Variants in UMAD1 observed in about 807,000 individuals in gnomAD.
The protein encoded by UMAD1 is UBAP1-MVB12-associated (UMA) domain containing 1, also known as UBAP1-MVB12-associated (UMA)-domain containing protein 1.
Under a neutral mutation model 6.1 loss-of-function variants are expected in UMAD1, and 8 were observed. That is an observed-to-expected ratio of 1.30 (90% CI 0.76 to 2.35). The LOEUF is 2.35. UMAD1 is among the 30% of genes most tolerant of loss of function. The probability of loss-of-function intolerance (pLI) is 0.00; values close to 1 mark genes in which losing one functional copy is unlikely to be tolerated. For synonymous variants in UMAD1, 56 were observed against 31.4 expected (o/e 1.78, Z -2.61); for missense variants, 130 against 78.4 (o/e 1.66, Z -2.49).
chr7:7,731,865 A>G (rs1170510701), intron 2 of UMAD1, among the ~76,000 whole-genome samples: 1 of 152,178 alleles, frequency 6.6e-6, no homozygotes, highest in East Asian at 1.9e-4. Context: ...CTGTGGACAC[A>G]GACTGGCTTT....
intron 2 of UMAD1, among the ~76,000 whole-genome samples, chr7:7,749,687 G>C (rs1178972972): frequency 6.6e-6 from 1 of 152,064 alleles, no homozygotes; most frequent in East Asian, 1.9e-4. Flanking sequence ...GATATTTGCT[G>C]TGATCTAATA....
chr7:7,781,558 A>G (rs1284320491), intron 2 of UMAD1, among the ~76,000 whole-genome samples: 1 of 152,056 alleles, frequency 6.6e-6, no homozygotes, highest in Non-Finnish European at 1.5e-5. Flanking sequence ...AATGCATTTC[A>G]GTAAAGTTTT....
rs115469652 is a variant in UMAD1 at position 7,853,228 on chromosome 7, A to G, written c.157-24053A>G. Among the ~76,000 whole-genome samples, 313 of 152,284 alleles carry G rather than the reference A, an allele frequency of 2.1e-3. 1 individual carries two copies. The highest frequency in any genetic ancestry group is 7.3e-3 in the African/African-American group (303 of 41,562). Reference sequence around the variant, plus strand: ...TCAATACCACAGTCTCATGACTAATATTGCCTAAAATTTTGAAATCAGAGA... The same window carrying G: ...TCAATACCACAGTCTCATGACTAATGTTGCCTAAAATTTTGAAATCAGAGA... On this transcript the variant is annotated intron_variant, in intron 3 of 3. Coordinates refer to ENST00000682710, the MANE Select transcript of UMAD1 (RefSeq NM_001302348.2).
intron 2 of UMAD1, among the ~76,000 whole-genome samples, chr7:7,795,390 C>T (rs1782656562): frequency 6.6e-6 from 1 of 152,168 alleles, no homozygotes; most frequent in Non-Finnish European, 1.5e-5. Context: ...CAACATGCTG[C>T]CTGTGTTCCT....
At position 7,764,900 on chromosome 7, in the gene UMAD1, C is replaced by T. The variant is rs552697849; in HGVS notation, c.83-36770C>T. Among the ~76,000 whole-genome samples, 2 of 152,222 alleles carry T rather than the reference C, an allele frequency of 1.3e-5. 1 individual carries two copies. Among genetic ancestry groups the T allele is most frequent in the South Asian group, 4.2e-4 (2 of 4,808 alleles). On this transcript the variant is annotated intron_variant, in intron 2 of 3. Coordinates refer to ENST00000682710, the MANE Select transcript of UMAD1 (RefSeq NM_001302348.2). ...CTGTTTCTTTTGAAGCACTTCCTTC[C>T]CTGTATGTACCTGCTGTATCTTAGC...
At chr7:7,876,236 C>T (rs1180617570) in intron 3 of UMAD1, among the ~76,000 whole-genome samples, 5 of 152,044 alleles carry the variant, frequency 3.3e-5, no homozygotes, top group Admixed American at 6.5e-5. Flanking sequence ...GAAGCAGGCT[C>T]GGTGTGCACG....
chr7:7,841,467 C>G (rs1022786469), intron 3 of UMAD1, among the ~76,000 whole-genome samples: 1 of 151,976 alleles, frequency 6.6e-6, no homozygotes, highest in Non-Finnish European at 1.5e-5. Flanking sequence ...CCACACTCGG[C>G]TAATTTTTGT....
rs555751815 is a variant in UMAD1 at position 7,863,875 on chromosome 7, G to C, written c.157-13406G>C. On this transcript the variant is annotated intron_variant, in intron 3 of 3. Transcript: ENST00000682710. ...TTTTTTTCCCCAGTCCAAGTAGAGA[G>C]ATAAGGAGAAAGAGACTCTCCCTGG... is the stretch of plus-strand genomic sequence containing the variant. Among the ~76,000 whole-genome samples the C allele has an allele frequency of 5.3e-4, 81 of 152,274 alleles. 1 individual carries two copies. Among genetic ancestry groups the C allele is most frequent in the Middle Eastern group, 3.4e-3 (1 of 294 alleles).
intron 2 of UMAD1, among the ~76,000 whole-genome samples, chr7:7,687,606 A>T (rs1377867146): frequency 6.6e-6 from 1 of 152,212 alleles, no homozygotes; most frequent in Non-Finnish European, 1.5e-5. Flanking sequence ...TGAAGTGTTT[A>T]AAGTGTGCAT....
chr7:7,690,619 G>T (rs959112370), intron 2 of UMAD1, among the ~76,000 whole-genome samples: 3 of 152,054 alleles, frequency 2.0e-5, no homozygotes, highest in Non-Finnish European at 2.9e-5. Flanking sequence ...ATTCTAAACA[G>T]CCACATATGT....
At chr7:7,814,389 T>C (rs1426173554) in intron 3 of UMAD1, among the ~76,000 whole-genome samples, 1 of 152,196 alleles carries the variant, frequency 6.6e-6, no homozygotes, top group Non-Finnish European at 1.5e-5. Context: ...CATTTTCCAT[T>C]GGCTAGGGGG....
intron 2 of UMAD1, among the ~76,000 whole-genome samples, chr7:7,706,843 A>G (rs567293949): frequency 1.3e-5 from 2 of 152,174 alleles, no homozygotes; most frequent in African/African-American, 2.4e-5. Flanking sequence ...TTTTTTGGAT[A>G]GAGCATCTTG....
chr7:7,691,982 T>G (rs1263252368), intron 2 of UMAD1, among the ~76,000 whole-genome samples: 1 of 152,196 alleles, frequency 6.6e-6, no homozygotes, highest in Non-Finnish European at 1.5e-5. Flanking sequence ...GAATGACAGT[T>G]TAATGCTAGA....
rs533796796 is a variant in UMAD1 at position 7,725,109 on chromosome 7, TG to T, written c.82+51660del. Among the ~76,000 whole-genome samples the T allele has an allele frequency of 1.8e-4, 27 of 152,332 alleles. No homozygotes were observed. In the South Asian group the frequency reaches 5.6e-3, roughly 32 times the overall value. On this transcript the variant is annotated intron_variant, in intron 2 of 3. Transcript: ENST00000682710. ...TAAAATTTCTAGGCGTCCAGTGGTG[TG>T]GGGCCTGTTGAGATATTCCTTCTAA...
At chr7:7,691,346 ATTATT>A (rs1446154417) in intron 2 of UMAD1, among the ~76,000 whole-genome samples, 5 of 152,232 alleles carry the variant, frequency 3.3e-5, no homozygotes, top group Non-Finnish European at 7.3e-5. Flanking sequence ...AGTCGTCATC[ATTATT>A]TTATATTCAA....
chr7:7,725,883 G>A (rs1224232250), intron 2 of UMAD1, among the ~76,000 whole-genome samples: 1 of 152,202 alleles, frequency 6.6e-6, no homozygotes, highest in Non-Finnish European at 1.5e-5. Context: ...GGTTCTGCAT[G>A]ATATGCAGGC....
chr7:7,819,115 G>T (rs1483699511), intron 3 of UMAD1, among the ~76,000 whole-genome samples: 1 of 152,142 alleles, frequency 6.6e-6, no homozygotes, highest in Non-Finnish European at 1.5e-5. Context: ...CTCCCAAAGT[G>T]CTGGGATTAC....
intron 3 of UMAD1, among the ~76,000 whole-genome samples, chr7:7,808,187 C>T (rs960601372): frequency 6.6e-6 from 1 of 151,950 alleles, no homozygotes; most frequent in African/African-American, 2.4e-5. Context: ...AAGGATTAGA[C>T]ACATCCTTTT....
chr7:7,809,161 T>A (rs917045148), intron 3 of UMAD1, among the ~76,000 whole-genome samples: 1 of 151,988 alleles, frequency 6.6e-6, no homozygotes, highest in African/African-American at 2.4e-5. Context: ...TTGCTAAAAT[T>A]GTTAGGGGCA....
Sources: gnomAD v4.1 joint callset for allele counts (sites outside exome capture counted in the v4.1 genomes callset) on GRCh38, gnomAD v4.1.1 for gene constraint, MANE v1.5 for transcripts, NCBI Gene and HGNC (gene_info 2026-07-23, HGNC 2026-07-21) for gene names.